The following MLLT10 variants were observed in gnomAD, a reference collection of about 807,000 sequenced individuals.
MLLT10 encodes MLLT10 histone lysine methyltransferase DOT1L cofactor, also known as protein AF-10.
Under a neutral mutation model 129.1 loss-of-function variants are expected in MLLT10, and 30 were observed. The observed-to-expected ratio is 0.23, with a 90% confidence interval of 0.17 to 0.32. The LOEUF (loss-of-function observed/expected upper bound fraction) is 0.32. Among genes scored for constraint, MLLT10 ranks in the 10% least tolerant of loss-of-function variants. The probability of loss-of-function intolerance (pLI) is 1.00; values close to 1 mark genes in which losing one functional copy is unlikely to be tolerated. For missense variants in MLLT10, 1,119 were observed against 1,268.3 expected (o/e 0.88, Z 1.79); for synonymous variants, 490 against 446.4 (o/e 1.10, Z -1.23).
At chr10:21,668,269 A>C (rs1184336682) in intron 9 of MLLT10, among the ~76,000 whole-genome samples, 1 of 152,132 alleles carries the variant, frequency 6.6e-6, no homozygotes, top group Non-Finnish European at 1.5e-5. Flanking sequence ...GGGCTTACTC[A>C]TAGTGTGTCT....
At chr10:21,676,147 C>T (rs1406174231) in intron 11 of MLLT10, among the ~76,000 whole-genome samples, 2 of 152,030 alleles carry the variant, frequency 1.3e-5, no homozygotes, top group Non-Finnish European at 2.9e-5. Context: ...TACTCTGGGG[C>T]GGCCGCACAC....
At position 21,568,989 on chromosome 10, in the gene MLLT10, A is replaced by AT. The variant is rs200259703; in HGVS notation, c.241-17296dup. Among the ~76,000 whole-genome samples the AT allele has an allele frequency of 9.7e-4, 147 of 151,636 alleles. 1 individual carries two copies. The highest frequency in any genetic ancestry group is 2.2e-3 in the Admixed American group (33 of 15,210). ...ATTCCAAATATTGGGATTGTCTTTG[A>AT]TTTTTTTTTGTCACTGATTTCTAGA... On this transcript the variant is annotated intron_variant, in intron 3 of 22. Coordinates refer to ENST00000307729, the MANE Select transcript of MLLT10 (RefSeq NM_001195626.3).
At position 21,673,505 on chromosome 10, in the gene MLLT10, G is replaced by C. The variant is rs771377008; in HGVS notation, c.1207G>C (p.Glu403Gln). ...SSATKDVHKG[E>Q]SGSQEGGVNS... is the part of the protein sequence containing the mutation. ...AGCAACCAAAGATGTACATAAAGGA[G>C]AGTCTGGAAGCCAGGAAGGGGGGGT... is the stretch of plus-strand genomic sequence containing the variant. Residue 403 changes from glutamate to glutamine, a missense_variant, in exon 11 of 23, where the codon GAG becomes CAG. Around this residue, in one of 5 missense-constraint regions of MLLT10, gnomAD observed 1,004 missense variants for 1,008.7 expected, o/e 1.00. Coordinates refer to ENST00000307729, the MANE Select transcript of MLLT10 (RefSeq NM_001195626.3). The C allele has an allele frequency of 3.1e-6, 5 of 1,613,548 alleles. No individual in the cohort carries two copies. The South Asian group carries it at 4.4e-5, about 14-fold the overall frequency.
At chr10:21,618,649 T>G (rs1033561449) in intron 8 of MLLT10, among the ~76,000 whole-genome samples, 2 of 152,016 alleles carry the variant, frequency 1.3e-5, no homozygotes, top group Non-Finnish European at 2.9e-5. Context: ...ATTTATTTAT[T>G]TAGAGACAGA....
At chr10:21,720,399 A>G (rs1421893901) in intron 14 of MLLT10, among the ~76,000 whole-genome samples, 1 of 152,240 alleles carries the variant, frequency 6.6e-6, no homozygotes, top group African/African-American at 2.4e-5. Flanking sequence ...GGTAGCTGAC[A>G]CAGAAATGGG....
rs373743492 is a variant in MLLT10, at chr10:21,646,197, T to C, written c.700-5476T>C. On this transcript the variant is annotated intron_variant, in intron 8 of 22. Coordinates refer to ENST00000307729, the MANE Select transcript of MLLT10 (RefSeq NM_001195626.3). Reference sequence around the variant, plus strand: ...CTACAGCCTGGCAACAGAGTGAGACTGTATCCCAAAAAAGAAAACAAAAAC... The same window carrying C: ...CTACAGCCTGGCAACAGAGTGAGACCGTATCCCAAAAAAGAAAACAAAAAC... Among the ~76,000 whole-genome samples the C allele has an allele frequency of 2.0e-5, 3 of 152,186 alleles. No homozygotes were observed. The East Asian group carries it at 5.8e-4, about 29-fold the overall frequency.
At chr10:21,536,208 TG>T (rs2033970992) in intron 2 of MLLT10, among the ~76,000 whole-genome samples, 2 of 152,224 alleles carry the variant, frequency 1.3e-5, no homozygotes, top group Admixed American at 1.3e-4. Context: ...CCCAAAGTGC[TG>T]GGATTACCGG....
chr10:21,687,372 A>G (rs1367560616), intron 13 of MLLT10, among the ~76,000 whole-genome samples: 1 of 152,192 alleles, frequency 6.6e-6, no homozygotes, highest in Non-Finnish European at 1.5e-5. Flanking sequence ...GGGATGAGTA[A>G]TACTCAGGCT....
At chr10:21,673,318 C>CAAATT in intron 10 of MLLT10, 32 bp from the exon 11 acceptor site, 3 of 307,340 alleles carry the variant, frequency 9.8e-6, no homozygotes, top group Admixed American at 6.3e-5. Flanking sequence ...CACCCCCCAA[C>CAAATT]TTTTTTTTTT....
At chr10:21,703,380 G>C (rs2055117701) in intron 13 of MLLT10, among the ~76,000 whole-genome samples, 2 of 151,910 alleles carry the variant, frequency 1.3e-5, no homozygotes, top group African/African-American at 4.8e-5. Context: ...GTCTGATGGG[G>C]GGGTCTTTTA....
chr10:21,598,249 T>C (rs1306001996), intron 5 of MLLT10, among the ~76,000 whole-genome samples: 1 of 152,236 alleles, frequency 6.6e-6, no homozygotes, highest in Non-Finnish European at 1.5e-5. Context: ...TCATTTATTT[T>C]GATGTTCATA....
intron 3 of MLLT10, among the ~76,000 whole-genome samples, chr10:21,576,821 G>A (rs931418593): frequency 7.2e-5 from 11 of 151,954 alleles, no homozygotes; most frequent in African/African-American, 2.4e-4. Flanking sequence ...AGTAGAAATG[G>A]GGTTTCTTCA....
intron 17 of MLLT10, 145 bp downstream of exon 17, chr10:21,731,199 G>T: frequency 1.3e-6 from 1 of 774,002 alleles, no homozygotes; most frequent in East Asian, 2.8e-5. Flanking sequence ...AAAGTATAAG[G>T]TGAAGTGGTT....
At chr10:21,685,900 G>T (rs2053246744) in intron 13 of MLLT10, among the ~76,000 whole-genome samples, 1 of 152,062 alleles carries the variant, frequency 6.6e-6, no homozygotes, top group Admixed American at 6.6e-5. Context: ...TAGATGATGA[G>T]CTAAATACTG....
Position 21,534,780 on chromosome 10 carries a change from G to A in MLLT10, c.136G>A (p.Gly46Ser). ...CCCGCTGGTTTATTGCGACGGGCACGGCTGCAGCGTCGCGGTGCATCAAGG... is the reference window on the plus strand; with the variant it reads ...CCCGCTGGTTTATTGCGACGGGCACAGCTGCAGCGTCGCGGTGCATCAAGG... The part of the protein sequence containing the change: ...ENPLVYCDGH[G>S]CSVAVHQACY... The change falls in exon 2 of 23, where the codon GGC (glycine) becomes AGC (serine). Residue 46 changes from glycine (G) to serine (S), a missense_variant. Coordinates refer to ENST00000307729, the MANE Select transcript of MLLT10 (RefSeq NM_001195626.3). 6.2e-7 allele frequency: 1 copy of A among 1,611,266 alleles called. No homozygotes were observed. The highest frequency in any genetic ancestry group is 8.5e-7 in the Non-Finnish European group (1 of 1,178,506).
At chr10:21,669,103 A>T (rs2051129900) in intron 9 of MLLT10, 8 of 1,223,802 alleles carry the variant, frequency 6.5e-6, no homozygotes, top group East Asian at 4.5e-5. Flanking sequence ...GTAAAATGGG[A>T]TTTTTTTTTT....
At chr10:21,679,308 G>A (rs1355712840) in intron 11 of MLLT10, among the ~76,000 whole-genome samples, 1 of 152,118 alleles carries the variant, frequency 6.6e-6, no homozygotes, top group African/African-American at 2.4e-5. Flanking sequence ...AGTTAGGCAC[G>A]AGGTCTTTTG....
At chr10:21,617,020 T>C (rs2045333120) in intron 7 of MLLT10, 92 bp from the exon 8 acceptor site, 1 of 473,012 alleles carries the variant, frequency 2.1e-6, no homozygotes, top group African/African-American at 2.0e-5. Flanking sequence ...TTAAAAATAC[T>C]TTATAGTTGA....
intron 13 of MLLT10, among the ~76,000 whole-genome samples, chr10:21,697,291 A>C (rs1169300343): frequency 1.3e-5 from 2 of 151,730 alleles, no homozygotes; most frequent in Admixed American, 6.6e-5. Context: ...AAATGGTGAA[A>C]CCTGTCTCTA....
Sources: gnomAD v4.1 joint callset for allele counts (sites outside exome capture counted in the v4.1 genomes callset) on GRCh38, gnomAD v4.1.1 for gene constraint, gnomAD v4.1.1 regional missense constraint, MANE v1.5 for transcripts, NCBI Gene and HGNC (gene_info 2026-07-23, HGNC 2026-07-21) for gene names.